PMFBP1: variants seen among roughly 807,000 people sequenced by gnomAD.
PMFBP1 encodes polyamine-modulated factor 1-binding protein 1.
Under a neutral mutation model 137.8 loss-of-function variants are expected in PMFBP1, and 131 were observed. That is an observed-to-expected ratio of 0.95 (90% confidence interval 0.82 to 1.10). The LOEUF (loss-of-function observed/expected upper bound fraction) is 1.10. PMFBP1 is among the 50% of genes least tolerant of loss of function. The pLI is 0.00. For missense variants in PMFBP1, 1,199 were observed against 1,175.4 expected, an observed-to-expected ratio of 1.02 and a Z score of -0.29; for synonymous variants, 490 against 450.4, an observed-to-expected ratio of 1.09 and a Z score of -1.11.
At chr16:72,172,757 G>A (rs143680669), upstream of PMFBP1, among the ~76,000 whole-genome samples, 73 of 152,044 alleles carry the variant, frequency 4.8e-4, no homozygotes, top group East Asian at 1.2e-3. Context: ...TCTACTAAGC[G>A]TGCAATAGTA....
At chr16:72,198,445 A>G in the PMFBP1 span, among the ~76,000 whole-genome samples, 7 of 152,008 alleles carry the variant, frequency 4.6e-5, no homozygotes, top group Non-Finnish European at 8.8e-5. Flanking sequence ...TTACAGTTCT[A>G]TTTTTTTATT....
chr16:72,208,893 T>C, the PMFBP1 span, among the ~76,000 whole-genome samples: 1 of 152,192 alleles, frequency 6.6e-6, no homozygotes, highest in Non-Finnish European at 1.5e-5. Context: ...TGTCCTTGCA[T>C]TGGTCCCCAT....
the PMFBP1 span, among the ~76,000 whole-genome samples, chr16:72,206,581 T>C: frequency 6.6e-6 from 1 of 152,208 alleles, no homozygotes; most frequent in Non-Finnish European, 1.5e-5. Context: ...TTATTGTTAT[T>C]TCCATATTGC....
chr16:72,152,471 G>A lies in PMFBP1; in HGVS notation c.415-1642C>T, dbSNP rs372188343. Among the ~76,000 whole-genome samples, 31 of 152,238 alleles carry A rather than the reference G, an allele frequency of 2.0e-4. 2 individuals are homozygous for A. The highest frequency in any genetic ancestry group is 1.0e-3 in the Admixed American group (16 of 15,292). On this transcript the variant is annotated intron_variant, in intron 4 of 20. Transcript: ENST00000237353. ...GTGAAGGTGTTGTGGCTTCCGGAAA[G>A]TGTCCTTAAAAGGAAGGGAGTGTGC...
chr16:72,225,516 C>G, the PMFBP1 span, among the ~76,000 whole-genome samples: 1 of 151,704 alleles, frequency 6.6e-6, no homozygotes, highest in Non-Finnish European at 1.5e-5. Flanking sequence ...ACAGCAAGAC[C>G]CCATGTCTTT....
the PMFBP1 span, among the ~76,000 whole-genome samples, chr16:72,225,916 C>T: frequency 7.0e-6 from 1 of 142,928 alleles, no homozygotes; most frequent in Non-Finnish European, 1.5e-5. Flanking sequence ...TCCACACACA[C>T]ATGCATGCAC....
intron 20 of PMFBP1, 189 bp downstream of exon 20, chr16:72,119,662 T>C: frequency 6.9e-7 from 1 of 1,448,566 alleles, no homozygotes; most frequent in South Asian, 1.5e-5. Context: ...TCAGATGTTC[T>C]TAGATCAGAA....
the PMFBP1 span, among the ~76,000 whole-genome samples, chr16:72,244,464 G>A: frequency 6.6e-5 from 10 of 152,234 alleles, no homozygotes; most frequent in South Asian, 1.2e-3. Flanking sequence ...TTGAAAATAC[G>A]TCCCCTCTCC....
the PMFBP1 span, among the ~76,000 whole-genome samples, chr16:72,243,561 T>C: frequency 6.6e-6 from 1 of 152,226 alleles, no homozygotes; most frequent in South Asian, 2.1e-4. Context: ...TGTTTATTTC[T>C]ACTGTCAGGT....
intron 5 of PMFBP1, among the ~76,000 whole-genome samples, chr16:72,145,921 C>A (rs750194862): frequency 6.6e-6 from 1 of 152,086 alleles, no homozygotes; most frequent in Non-Finnish European, 1.5e-5. Flanking sequence ...CAGGACCAGA[C>A]GAATTCACAA....
intron 12 of PMFBP1, 86 bp from the exon 13 acceptor site, chr16:72,129,319 G>T: frequency 7.0e-7 from 1 of 1,428,956 alleles, no homozygotes; most frequent in Non-Finnish European, 9.4e-7. Context: ...CACAGGGCAT[G>T]GCTGAGATGA....
chr16:72,188,548 T>C, the PMFBP1 span, among the ~76,000 whole-genome samples: 2 of 152,208 alleles, frequency 1.3e-5, no homozygotes, highest in African/African-American at 4.8e-5. Context: ...TTTTCATGCT[T>C]TACATATGAA....
At chr16:72,228,906 G>T in the PMFBP1 span, among the ~76,000 whole-genome samples, 1 of 148,104 alleles carries the variant, frequency 6.8e-6, no homozygotes, top group Non-Finnish European at 1.5e-5. Flanking sequence ...ATTGTTACAT[G>T]AGTAAACTGG....
At chr16:72,185,892 G>C in the PMFBP1 span, among the ~76,000 whole-genome samples, 1 of 152,332 alleles carries the variant, frequency 6.6e-6, no homozygotes, top group South Asian at 2.1e-4. Flanking sequence ...AAGCCAAAGA[G>C]AGTTTTGGGT....
intron 5 of PMFBP1, among the ~76,000 whole-genome samples, chr16:72,147,656 A>G (rs1467967749): frequency 3.9e-5 from 6 of 152,214 alleles, no homozygotes; most frequent in Admixed American, 6.5e-5. Context: ...AGAATCTACA[A>G]AGAACTTAAA....
intron 3 of PMFBP1, chr16:72,164,380 G>C (rs1480452124): frequency 7.8e-7 from 1 of 1,289,846 alleles, no homozygotes; most frequent in African/African-American, 1.5e-5. Flanking sequence ...CCTTAGAGCA[G>C]GTGTGATGGT....
intron 3 of PMFBP1, among the ~76,000 whole-genome samples, chr16:72,163,828 A>G (rs918814840): frequency 6.6e-6 from 1 of 152,046 alleles, no homozygotes; most frequent in Non-Finnish European, 1.5e-5. Context: ...GGAATGGGAA[A>G]CCAAACATCA....
chr16:72,174,891 C>T (rs974396246), upstream of PMFBP1, among the ~76,000 whole-genome samples: 1 of 152,170 alleles, frequency 6.6e-6, no homozygotes, highest in Non-Finnish European at 1.5e-5. Flanking sequence ...ACAGCCAAAC[C>T]ATATCACCTT....
chr16:72,163,568 G>A (rs2043095562), intron 3 of PMFBP1, among the ~76,000 whole-genome samples: 1 of 152,254 alleles, frequency 6.6e-6, no homozygotes, highest in South Asian at 2.1e-4. Context: ...TGAGGGTCAA[G>A]TAGTAGTTGA....
Sources: allele counts gnomAD v4.1 joint callset (sites outside exome capture counted in the v4.1 genomes callset), GRCh38; gene constraint gnomAD v4.1.1; transcripts MANE v1.5; gene names NCBI Gene and HGNC (gene_info 2026-07-23, HGNC 2026-07-21).